Variants in EFCAB6 observed in about 807,000 individuals in gnomAD.
EFCAB6 encodes the protein EF-hand calcium binding domain 6.
Under a neutral mutation model 169.8 loss-of-function variants are expected in EFCAB6, and 156 were observed. That is an observed-to-expected ratio of 0.92 (90% CI 0.81 to 1.05). EFCAB6 has a LOEUF of 1.05. Among genes scored for constraint, EFCAB6 ranks in the 50% least tolerant of loss-of-function variants. The pLI, the probability that EFCAB6 is intolerant of heterozygous loss-of-function variation, is 0.00. For missense variants in EFCAB6, 1,800 were observed against 1,829.1 expected (o/e 0.98, Z 0.29); for synonymous variants, 698 against 676.4 (o/e 1.03, Z -0.50).
chr22:43,704,018 C>A (rs142259635), intron 10 of EFCAB6, among the ~76,000 whole-genome samples: 112 of 152,112 alleles, frequency 7.4e-4, no homozygotes, highest in African/African-American at 2.5e-3. Context: ...ACAGGAAGCA[C>A]AGAGGTCTCT....
chr22:43,717,263 C>G (rs2059361988), intron 8 of EFCAB6, among the ~76,000 whole-genome samples: 1 of 151,506 alleles, frequency 6.6e-6, no homozygotes, highest in Non-Finnish European at 1.5e-5. Flanking sequence ...ATGACTGTTA[C>G]ATACTACATA....
At chr22:43,695,141 T>G (rs531690382) in intron 10 of EFCAB6, among the ~76,000 whole-genome samples, 2 of 152,148 alleles carry the variant, frequency 1.3e-5, no homozygotes, top group Admixed American at 1.3e-4. Context: ...AATTAACCAG[T>G]GAATTTAATA....
At chr22:43,650,645 G>A (rs1405053861) in intron 17 of EFCAB6, among the ~76,000 whole-genome samples, 2 of 152,150 alleles carry the variant, frequency 1.3e-5, no homozygotes, top group Non-Finnish European at 2.9e-5. Flanking sequence ...ACACTTTGGA[G>A]GGCTCATAAG....
chr22:43,674,264 C>G (rs746531441), intron 13 of EFCAB6, among the ~76,000 whole-genome samples: 5 of 152,102 alleles, frequency 3.3e-5, no homozygotes, highest in Non-Finnish European at 7.4e-5. Context: ...TTTCCAATTC[C>G]TTCATTCATG....
chr22:43,698,815 A>C (rs2147250733), intron 10 of EFCAB6, among the ~76,000 whole-genome samples: 1 of 152,312 alleles, frequency 6.6e-6, no homozygotes, highest in African/African-American at 2.4e-5. Flanking sequence ...TAGAATGGGA[A>C]GTGGAGGAAG....
intron 6 of EFCAB6, among the ~76,000 whole-genome samples, chr22:43,738,437 G>A (rs531632594): frequency 6.7e-6 from 1 of 149,184 alleles, no homozygotes; most frequent in South Asian, 2.1e-4. Context: ...ACATACATAT[G>A]CACATATACT....
At chr22:43,548,591 A>G (rs1028279455) in intron 27 of EFCAB6, among the ~76,000 whole-genome samples, 3 of 150,826 alleles carry the variant, frequency 2.0e-5, no homozygotes, top group Non-Finnish European at 3.0e-5. Context: ...GTAGGAGGCT[A>G]TAAGAGCTCT....
chr22:43,574,628 T>C (rs532888189), intron 26 of EFCAB6, among the ~76,000 whole-genome samples: 1 of 139,628 alleles, frequency 7.2e-6, no homozygotes, highest in South Asian at 2.4e-4. Flanking sequence ...CATGAATATG[T>C]ATTCCTTTTA....
intron 8 of EFCAB6, among the ~76,000 whole-genome samples, chr22:43,725,872 T>G (rs1400087541): frequency 6.6e-6 from 1 of 152,172 alleles, no homozygotes; most frequent in East Asian, 1.9e-4. Context: ...GGATTTGAAT[T>G]TCAATGATAA....
chr22:43,710,944 C>T (rs2059139954), intron 10 of EFCAB6, among the ~76,000 whole-genome samples: 1 of 152,074 alleles, frequency 6.6e-6, no homozygotes, highest in African/African-American at 2.4e-5. Context: ...AACAAACAAT[C>T]CAGATTACTT....
chr22:43,688,705 G>A (rs1052211237), intron 10 of EFCAB6, among the ~76,000 whole-genome samples: 1 of 152,202 alleles, frequency 6.6e-6, no homozygotes, highest in Non-Finnish European at 1.5e-5. Flanking sequence ...TCGGTTGCAG[G>A]CTGGAAAACC....
At chr22:43,588,685 A>C (rs1195679849) in intron 24 of EFCAB6, among the ~76,000 whole-genome samples, 2 of 152,230 alleles carry the variant, frequency 1.3e-5, no homozygotes, top group Non-Finnish European at 2.9e-5. Flanking sequence ...AGAATTTAGA[A>C]CATGAAAAGG....
chr22:43,643,618 C>G (rs2055949826), intron 17 of EFCAB6, among the ~76,000 whole-genome samples: 6 of 152,208 alleles, frequency 3.9e-5, no homozygotes, highest in Non-Finnish European at 8.8e-5. Context: ...TCCTTTTGCA[C>G]AGGCTCCTCA....
At chr22:43,665,882 G>A (rs566904790) in intron 17 of EFCAB6, among the ~76,000 whole-genome samples, 19 of 152,184 alleles carry the variant, frequency 1.2e-4, no homozygotes, top group Non-Finnish European at 2.8e-4. Flanking sequence ...CCACCTCCTG[G>A]GTTCCAGCAA....
chr22:43,601,229 G>C (rs2052500657), intron 22 of EFCAB6, among the ~76,000 whole-genome samples: 1 of 152,068 alleles, frequency 6.6e-6, no homozygotes, highest in Admixed American at 6.5e-5. Flanking sequence ...TTCTGAATTA[G>C]AACTCATTAA....
In EFCAB6 at chr22:43,669,017, A is replaced by G. The variant is rs2057376244; in HGVS notation, c.1669T>C (p.Ser557Pro). 2 of 1,611,220 alleles carry G rather than the reference A, an allele frequency of 1.2e-6. No homozygotes were observed. Among genetic ancestry groups the G allele is most frequent in the Admixed American group, 3.4e-5 (2 of 59,598 alleles). The change falls in exon 16 of 32, where the codon TCA becomes CCA. Residue 557 changes from serine to proline, a missense_variant. Ser to Pro is a moderately conservative substitution (Grantham distance 74). Transcript: ENST00000262726. ...AGTTTCTTGTAAAGGATTCTTCCTG[A>G]ACCAATGTCCTGAATCTTACTGCAG... is the stretch of plus-strand genomic sequence containing the variant. Reference protein sequence around the residue: ...KLCSKIQDIGSGRILYKKLLA... With the variant: ...KLCSKIQDIGPGRILYKKLLA...
Position 43,621,242 on chromosome 22 carries a change from C to A in EFCAB6, c.2465+5205G>T, listed in dbSNP as rs775049963. Among the ~76,000 whole-genome samples the A allele has an allele frequency of 6.0e-5, 9 of 148,840 alleles. No homozygotes were observed. The Admixed American group carries it at 6.2e-4, about 10-fold the overall frequency. On this transcript the variant is annotated intron_variant, in intron 20 of 31. Transcript: ENST00000262726. The stretch of plus-strand genomic sequence containing the variant: ...TAGCTGAAATTACAGGCACCCACCA[C>A]CACACCTGGCTGATTTATTTATTTA...
chr22:43,589,915 G>C (rs1257141994), intron 24 of EFCAB6, among the ~76,000 whole-genome samples, 159 bp downstream of exon 24: 1 of 152,186 alleles, frequency 6.6e-6, no homozygotes, highest in East Asian at 1.9e-4. Flanking sequence ...GCTTTGGGTA[G>C]ACTCAAACCC....
rs769572783 is a variant in EFCAB6 at position 43,580,470 on chromosome 22, C to T, written c.3222G>A (p.Leu1074=). ...QEVVESSQLA[L]STAFSALDKE... ...CACTTTCAGCCTGTCATACCGTGGA[C>T]AAAGCCAGCTGGGAGGACTCAACTA... The change falls in exon 25 of 32, where the codon TTG becomes TTA. Residue 1074 remains leucine (L), a synonymous_variant. Coordinates refer to ENST00000262726, the MANE Select transcript of EFCAB6 (RefSeq NM_022785.4). The T allele has an allele frequency of 1.6e-5, 26 of 1,613,892 alleles. No homozygotes were observed. The highest frequency in any genetic ancestry group is 2.2e-5 in the Non-Finnish European group (26 of 1,179,966).
Sources: allele counts gnomAD v4.1 joint callset (sites outside exome capture counted in the v4.1 genomes callset), GRCh38; gene constraint gnomAD v4.1.1; transcripts MANE v1.5; gene names NCBI Gene and HGNC (gene_info 2026-07-23, HGNC 2026-07-21).